Variants in SI observed in about 807,000 individuals in gnomAD.
SI encodes the protein sucrase-isomaltase.
A neutral mutation model predicts 253.3 loss-of-function variants in SI; 235 were observed. The ratio of observed to expected loss-of-function variants is 0.93; its 90% CI spans 0.83 to 1.03. SI has a LOEUF of 1.03. Ranked by LOEUF, SI falls within the 50% of genes least tolerant of loss-of-function variation. The pLI is 0.00. For missense variants in SI, 2,442 were observed against 2,211.1 expected, an observed-to-expected ratio of 1.10 and a Z score of -2.09; for synonymous variants, 819 against 712.0, an observed-to-expected ratio of 1.15 and a Z score of -2.39.
At chr3:164,980,300 G>T (rs115777584) in intron 47 of SI, among the ~76,000 whole-genome samples, 275 of 151,994 alleles carry the variant, frequency 1.8e-3, no homozygotes, top group African/African-American at 6.4e-3. Context: ...GTTTAAAACA[G>T]ATCCATCTTG....
chr3:164,992,425 A>T, intron 41 of SI, 28 bp from the exon 42 acceptor site: 1 of 1,406,426 alleles, frequency 7.1e-7, no homozygotes, highest in Non-Finnish European at 1.0e-6. Context: ...AAATAATTAA[A>T]TTAAAACAAA....
intron 4 of SI, 36 bp downstream of exon 4, chr3:165,069,042 T>C (rs1209277740): frequency 2.9e-6 from 4 of 1,366,560 alleles, no homozygotes; most frequent in Admixed American, 3.4e-5. Flanking sequence ...AGTTAGAATA[T>C]ATCATATTGA....
chr3:165,059,292 T>G lies in SI; in HGVS notation c.1154A>C (p.Gln385Pro), dbSNP rs1279685520. ...NREAGIPFDT[Q>P]VTDIDYMEDK... ...TTCCATGTAGTCAATATCAGTGACC[T>G]GTGTATCCTGAAAGTTAGAAGATTG... Residue 385 changes from glutamine (Q) to proline (P), a missense_variant, in exon 11 of 48, where the codon CAG becomes CCG. Physicochemically the swap from Gln to Pro is moderately conservative, Grantham distance 76. Transcript: ENST00000264382. 1 of 1,612,256 alleles carries G rather than the reference T, an allele frequency of 6.2e-7. No homozygotes were observed. The highest frequency in any genetic ancestry group is 1.7e-5 in the Admixed American group (1 of 59,854).
rs181900543 is a variant in SI, at chr3:165,070,809, T to G, written c.256-1614A>C. On this transcript the variant is annotated intron_variant, in intron 3 of 47. Transcript: ENST00000264382. ...CATAACAACCATGGAAAAGGTGACT[T>G]AAAGCAACAGAAATTTACTCTCTCA... 2.0e-5 allele frequency among the ~76,000 whole-genome samples: 3 copies of G among 152,154 alleles called. No homozygotes were observed. The East Asian group carries it at 5.8e-4, about 29-fold the overall frequency.
intron 44 of SI, 27 bp from the exon 45 acceptor site, chr3:164,987,253 C>T (rs1559977021): frequency 1.3e-6 from 2 of 1,580,814 alleles, no homozygotes; most frequent in South Asian, 1.1e-5. Flanking sequence ...TATAATTTTA[C>T]CCATGTTTGT....
At chr3:165,020,323 A>G (rs1247142784) in intron 27 of SI, among the ~76,000 whole-genome samples, 1 of 151,776 alleles carries the variant, frequency 6.6e-6, no homozygotes, top group Non-Finnish European at 1.5e-5. Context: ...GAAACATATT[A>G]TTATTCAACT....
chr3:165,012,460 G>A (rs747590233), intron 34 of SI, among the ~76,000 whole-genome samples: 8 of 151,946 alleles, frequency 5.3e-5, no homozygotes, highest in Non-Finnish European at 8.8e-5. Flanking sequence ...ATGGAGTCTC[G>A]CTCTGTCACC....
At chr3:165,042,939 A>T (rs1712919294) in intron 17 of SI, 120 bp downstream of exon 17, 1 of 737,860 alleles carries the variant, frequency 1.4e-6, no homozygotes, top group African/African-American at 1.8e-5. Context: ...ACTTCTAACA[A>T]TGTCTTATGA....
intron 7 of SI, 112 bp downstream of exon 7, chr3:165,065,149 A>G (rs533717975): frequency 5.9e-5 from 42 of 714,402 alleles, no homozygotes; most frequent in Non-Finnish European, 8.7e-5. Flanking sequence ...TATCAGTGAC[A>G]TTCAAATAGT....
intron 3 of SI, among the ~76,000 whole-genome samples, chr3:165,073,865 T>C (rs1714762344): frequency 6.6e-6 from 1 of 152,096 alleles, no homozygotes; most frequent in Non-Finnish European, 1.5e-5. Flanking sequence ...TATATGCAAA[T>C]ACTGCCATTT....
chr3:165,047,894 A>G (rs1698017620), intron 15 of SI, among the ~76,000 whole-genome samples: 1 of 151,882 alleles, frequency 6.6e-6, no homozygotes, highest in Non-Finnish European at 1.5e-5. Flanking sequence ...TACAAGCATC[A>G]CTCACGTTAC....
upstream of SI, among the ~76,000 whole-genome samples, chr3:165,080,210 C>A (rs2108126368): frequency 6.6e-6 from 1 of 152,020 alleles, no homozygotes; most frequent in Non-Finnish European, 1.5e-5. Context: ...AATTTTAGTT[C>A]TCTGATAGAT....
intron 34 of SI, among the ~76,000 whole-genome samples, chr3:165,012,439 GT>G (rs1031613016): frequency 4.0e-5 from 6 of 151,856 alleles, no homozygotes; most frequent in African/African-American, 1.2e-4. Flanking sequence ...GTTTTGTTTT[GT>G]TTTTTTGAGA....
At chr3:165,030,234 G>A (rs1712160975) in intron 25 of SI, among the ~76,000 whole-genome samples, 1 of 150,882 alleles carries the variant, frequency 6.6e-6, no homozygotes, top group African/African-American at 2.4e-5. Context: ...GCCATCCTCA[G>A]CCATCATCAT....
At chr3:165,041,239 A>G (rs1411075711) in intron 17 of SI, 145 bp from the exon 18 acceptor site, 2 of 684,236 alleles carry the variant, frequency 2.9e-6, no homozygotes, top group Non-Finnish European at 5.0e-6. Context: ...TTTCATCATC[A>G]AAGTGTCTGA....
At chr3:165,000,134 T>C (rs1382202348) in intron 37 of SI, among the ~76,000 whole-genome samples, 2 of 151,494 alleles carry the variant, frequency 1.3e-5, no homozygotes, top group African/African-American at 4.8e-5. Flanking sequence ...ATTAGTTTTG[T>C]TTAATATAAA....
At chr3:164,994,228 T>C (rs772428701) in intron 41 of SI, 29 bp downstream of exon 41, 2 of 1,590,478 alleles carry the variant, frequency 1.3e-6, no homozygotes, top group Non-Finnish European at 1.7e-6. Flanking sequence ...TATCTCTCTG[T>C]GATAAGAGAA....
At chr3:165,068,619 C>A in intron 5 of SI, 103 bp downstream of exon 5, 1 of 807,670 alleles carries the variant, frequency 1.2e-6, no homozygotes, top group Admixed American at 1.7e-5. Context: ...GTGATCCGCC[C>A]ACGTCAGCTT....
chr3:165,038,611 T>C (rs1712662465), intron 20 of SI, among the ~76,000 whole-genome samples: 1 of 149,446 alleles, frequency 6.7e-6, no homozygotes, highest in Admixed American at 6.7e-5. Context: ...ATTGAAAAAA[T>C]GGATGGTGTA....
Sources: gnomAD v4.1 joint callset for allele counts (sites outside exome capture counted in the v4.1 genomes callset) on GRCh38, gnomAD v4.1.1 for gene constraint, MANE v1.5 for transcripts, NCBI Gene and HGNC (gene_info 2026-07-23, HGNC 2026-07-21) for gene names.